XRN1: variants seen among roughly 807,000 people sequenced by gnomAD.
XRN1 encodes 5'-3' exoribonuclease 1, also known as strand-exchange protein 1 homolog.
A neutral mutation model predicts 222.3 loss-of-function variants in XRN1; 67 were observed. The observed-to-expected ratio is 0.30, with a 90% CI of 0.25 to 0.37. The LOEUF (loss-of-function observed/expected upper bound fraction) is 0.37, where lower values mean the gene tolerates loss of function less well. Among genes scored for constraint, XRN1 ranks in the 10% least tolerant of loss-of-function variants. The pLI, the probability that XRN1 is intolerant of heterozygous loss-of-function variation, is 1.00. For synonymous variants in XRN1, 643 were observed against 652.4 expected (o/e 0.99, Z 0.22); for missense variants, 1,707 against 2,000.2 (o/e 0.85, Z 2.80).
At chr3:142,312,826 C>G (rs1208323523) in intron 39 of XRN1, 68 bp from the exon 40 acceptor site, 2 of 1,488,736 alleles carry the variant, frequency 1.3e-6, no homozygotes, top group Non-Finnish European at 1.8e-6. Flanking sequence ...AATTTGAGAC[C>G]TCCTTCTGCT....
At chr3:142,329,704 C>T in intron 36 of XRN1, 89 bp from the exon 37 acceptor site, 1 of 1,271,682 alleles carries the variant, frequency 7.9e-7, no homozygotes. Context: ...GAAGAGCAAG[C>T]AGGAAACTGC....
Position 142,414,779 on chromosome 3 carries a change from G to C in XRN1, c.1437-488C>G, listed in dbSNP as rs567107486. 2.6e-5 allele frequency among the ~76,000 whole-genome samples: 4 copies of C among 152,236 alleles called. No homozygotes were observed. In the East Asian group the frequency reaches 7.7e-4, roughly 29 times the overall value. On this transcript the variant is annotated intron_variant, in intron 13 of 40. Coordinates refer to ENST00000392981, the MANE Select transcript of XRN1 (RefSeq NM_001282857.2). ...CAAAGTGCTGGGATTACAGGCGTAA[G>C]CCACTGCGCCTGGCCTATTTCCTGA...
chr3:142,382,033 T>C (rs1280577244), intron 22 of XRN1, among the ~76,000 whole-genome samples: 3 of 152,224 alleles, frequency 2.0e-5, no homozygotes, highest in Non-Finnish European at 4.4e-5. Context: ...AGGTGATGTG[T>C]CCTCCAAAGG....
chr3:142,388,026 A>G (rs1228100513), intron 20 of XRN1, among the ~76,000 whole-genome samples: 1 of 152,178 alleles, frequency 6.6e-6, no homozygotes, highest in Non-Finnish European at 1.5e-5. Flanking sequence ...CAGAACTTTG[A>G]GCCAAACATA....
At position 142,400,524 on chromosome 3, in the gene XRN1, T is replaced by C. The variant is rs1286457915; in HGVS notation, c.2127A>G (p.Ser709=). Residue 709 remains serine, a synonymous_variant, in exon 19 of 41, where the codon TCA becomes TCG. Transcript: ENST00000392981. The stretch of plus-strand genomic sequence containing the variant: ...TAACAAAGACAGATTTTCCAAGCAC[T>C]GATGAAGCTACATTTTCTACGGTCT... The part of the protein sequence containing the change: ...DELTVENVAS[S]VLGKSVFVNW... 2 of 1,611,512 alleles carry C rather than the reference T, an allele frequency of 1.2e-6. No homozygotes were observed. The highest frequency in any genetic ancestry group is 1.7e-6 in the Non-Finnish European group (2 of 1,178,602).
At chr3:142,443,013 G>A (rs886467183) in intron 1 of XRN1, among the ~76,000 whole-genome samples, 41 of 152,298 alleles carry the variant, frequency 2.7e-4, no homozygotes, top group Non-Finnish European at 5.7e-4. Context: ...GATTACAGGC[G>A]TGAGCCACCG....
At position 142,432,199 on chromosome 3, in the gene XRN1, TTATATATAATTAATTA is replaced by T. The variant is rs1275634291; in HGVS notation, c.308+446_308+461del. On this transcript the variant is annotated intron_variant, in intron 2 of 40. Coordinates refer to ENST00000392981, the MANE Select transcript of XRN1 (RefSeq NM_001282857.2). The stretch of plus-strand genomic sequence containing the variant: ...AAATGTTTTATATATAAAATTTATT[TTATATATAATTAATTA>T]TATATATAATTAATTATATATATAT... Among the ~76,000 whole-genome samples, 46 of 99,614 alleles carry T rather than the reference TTATATATAATTAATTA, an allele frequency of 4.6e-4. 1 individual carries two copies. The highest frequency in any genetic ancestry group is 1.5e-3 in the Admixed American group (14 of 9,238). 65.4% of individuals were successfully genotyped at this position (99,614 alleles called of 152,430 possible).
chr3:142,412,201 T>A (rs911754002), intron 15 of XRN1, among the ~76,000 whole-genome samples: 1 of 152,214 alleles, frequency 6.6e-6, no homozygotes, highest in Non-Finnish European at 1.5e-5. Context: ...ATAATTCTGG[T>A]AATTTTTGCT....
chr3:142,372,201 T>C (rs1387607585), intron 25 of XRN1, among the ~76,000 whole-genome samples: 2 of 152,122 alleles, frequency 1.3e-5, no homozygotes, highest in Non-Finnish European at 2.9e-5. Flanking sequence ...ACTCTAGCCT[T>C]GTGTATACCA....
At chr3:142,365,016 G>T in intron 29 of XRN1, 31 bp downstream of exon 29, 1 of 1,598,508 alleles carries the variant, frequency 6.3e-7, no homozygotes, top group Middle Eastern at 1.7e-4. Context: ...TATAAATTAC[G>T]TTGAAGACAT....
intron 37 of XRN1, among the ~76,000 whole-genome samples, chr3:142,325,638 T>C (rs557697406): frequency 6.6e-5 from 10 of 152,266 alleles, no homozygotes; most frequent in East Asian, 1.9e-4. Context: ...ACTTTGTTGA[T>C]TGTTTCCTTT....
chr3:142,410,487 GTT>G (rs751870329), intron 15 of XRN1, among the ~76,000 whole-genome samples: 7 of 68,070 alleles, frequency 1.0e-4, no homozygotes, highest in East Asian at 4.8e-4. Context: ...TCTATCTCAT[GTT>G]TTTTTTTTTT....
At chr3:142,374,256 A>C (rs764048083) in intron 25 of XRN1, among the ~76,000 whole-genome samples, 4 of 152,210 alleles carry the variant, frequency 2.6e-5, no homozygotes, top group Non-Finnish European at 4.4e-5. Context: ...CAGGAAACTG[A>C]ATAATGAGAG....
intron 29 of XRN1, among the ~76,000 whole-genome samples, chr3:142,363,943 G>A (rs897822357): frequency 6.6e-6 from 1 of 152,146 alleles, no homozygotes; most frequent in Non-Finnish European, 1.5e-5. Context: ...AATTAGGGAA[G>A]AAAATTCTTT....
At chr3:142,338,552 G>T (rs1213420224) in intron 33 of XRN1, among the ~76,000 whole-genome samples, 21 of 152,184 alleles carry the variant, frequency 1.4e-4, no homozygotes, top group Admixed American at 1.4e-3. Flanking sequence ...TATACTGAGA[G>T]AGTCCTGCTT....
chr3:142,369,298 A>G (rs1307294641), intron 27 of XRN1, among the ~76,000 whole-genome samples: 1 of 152,198 alleles, frequency 6.6e-6, no homozygotes, highest in Non-Finnish European at 1.5e-5. Flanking sequence ...AAGAAATAGG[A>G]GAGATTGAGG....
At chr3:142,385,870 T>A (rs2067481541) in intron 20 of XRN1, among the ~76,000 whole-genome samples, 1 of 151,982 alleles carries the variant, frequency 6.6e-6, no homozygotes, top group South Asian at 2.1e-4. Flanking sequence ...CCCGTATTAC[T>A]ACTCAGTCCA....
rs1290458661 is a variant in XRN1 at position 142,318,455 on chromosome 3, C to T, written c.4621+137G>A. The T allele has an allele frequency of 3.8e-6, 3 of 785,764 alleles. No individual in the cohort carries two copies. In the African/African-American group the frequency reaches 5.2e-5, roughly 14 times the overall value. 48.7% of individuals were successfully genotyped at this position (785,764 alleles called of 1,614,324 possible). A position where few individuals can be genotyped will look rare whatever the true frequency, so the allele number is the denominator to read the frequency against. On this transcript the variant is annotated intron_variant, in intron 39 of 40. Coordinates refer to ENST00000392981, the MANE Select transcript of XRN1 (RefSeq NM_001282857.2). ...AAGAGAATGGTACTTTTAGATGAAT[C>T]TGCAGGCTGTGGCTTTAGGCTTTCT...
chr3:142,397,935 A>G (rs962519544), intron 19 of XRN1, among the ~76,000 whole-genome samples: 1 of 152,176 alleles, frequency 6.6e-6, no homozygotes, highest in Non-Finnish European at 1.5e-5. Context: ...AATATATACA[A>G]TTATTATGTA....
Sources: gnomAD v4.1 joint callset for allele counts (sites outside exome capture counted in the v4.1 genomes callset) on GRCh38, gnomAD v4.1.1 for gene constraint, MANE v1.5 for transcripts, NCBI Gene and HGNC (gene_info 2026-07-23, HGNC 2026-07-21) for gene names.